The following ATRNL1 variants were observed in gnomAD, a reference collection of about 807,000 sequenced individuals.
The protein encoded by ATRNL1 is attractin like 1.
Under a neutral mutation model 182.7 loss-of-function variants are expected in ATRNL1, and 95 were observed. The observed-to-expected ratio is 0.52, with a 90% confidence interval of 0.44 to 0.62. ATRNL1 has a LOEUF of 0.62. Ranked by LOEUF, ATRNL1 falls within the 20% of genes least tolerant of loss-of-function variation. ATRNL1 has a pLI of 0.00. For missense variants in ATRNL1, 1,471 were observed against 1,679.5 expected (o/e 0.88, Z 2.17); for synonymous variants, 576 against 568.3 (o/e 1.01, Z -0.19).
chr10:115,617,984 C>A (rs916807713), intron 26 of ATRNL1, among the ~76,000 whole-genome samples: 4 of 152,086 alleles, frequency 2.6e-5, no homozygotes, highest in Non-Finnish European at 4.4e-5. Flanking sequence ...TGAGTGAGTT[C>A]TCATGAGATC....
chr10:115,817,877 G>GTTTTTTTTTTTTTT (rs35087740), intron 27 of ATRNL1, among the ~76,000 whole-genome samples: 1 of 133,882 alleles, frequency 7.5e-6, no homozygotes, highest in African/African-American at 2.8e-5. Flanking sequence ...TTTACGTTGT[G>GTTTTTTTTTTTTTT]TTTTTTTTTT....
intron 27 of ATRNL1, among the ~76,000 whole-genome samples, chr10:115,838,201 C>T (rs944425572): frequency 1.3e-5 from 2 of 152,142 alleles, no homozygotes; most frequent in Admixed American, 1.3e-4. Context: ...TATTTCTAGA[C>T]TTTATAGTAA....
intron 9 of ATRNL1, among the ~76,000 whole-genome samples, chr10:115,235,745 A>G (rs1214110890): frequency 6.6e-6 from 1 of 152,108 alleles, no homozygotes; most frequent in Non-Finnish European, 1.5e-5. Context: ...GGTATATTTT[A>G]GTTTTCTCAA....
At chr10:115,389,871 A>C (rs1564990681) in intron 19 of ATRNL1, among the ~76,000 whole-genome samples, 3 of 151,862 alleles carry the variant, frequency 2.0e-5, no homozygotes, top group Admixed American at 6.6e-5. Flanking sequence ...AAATTTCATC[A>C]TTTTGATAAT....
intron 19 of ATRNL1, among the ~76,000 whole-genome samples, chr10:115,340,224 A>G (rs1174284842): frequency 2.0e-5 from 3 of 152,038 alleles, no homozygotes; most frequent in African/African-American, 7.2e-5. Flanking sequence ...GCTCACTGCA[A>G]CCTCCACCTC....
Position 115,093,552 on chromosome 10 carries a change from A to G in ATRNL1, c.-199A>G. 2 of 695,198 alleles carry G rather than the reference A, an allele frequency of 2.9e-6. No homozygotes were observed. The highest frequency in any genetic ancestry group is 2.6e-6 in the Non-Finnish European group (1 of 387,322). 43.1% of individuals were successfully genotyped at this position (695,198 alleles called of 1,614,324 possible). Reference sequence around the variant, plus strand: ...TCGGGAGACTGGGTGGCGATGCCCGAGTGCGACTGGAGGCAGCCGAGCGGA... The same window carrying G: ...TCGGGAGACTGGGTGGCGATGCCCGGGTGCGACTGGAGGCAGCCGAGCGGA... On this transcript the variant is annotated 5_prime_UTR_variant, in exon 1 of 29. Transcript: ENST00000355044. The surrounding 1 kb of genome is among the most constrained non-coding windows in gnomAD (Gnocchi z 6.1).
At chr10:115,624,352 CCT>C in intron 26 of ATRNL1, among the ~76,000 whole-genome samples, 2 of 151,980 alleles carry the variant, frequency 1.3e-5, no homozygotes, top group Non-Finnish European at 2.9e-5. Flanking sequence ...TTATTAAAGT[CCT>C]CTTAAGAATC....
intron 8 of ATRNL1, among the ~76,000 whole-genome samples, chr10:115,181,649 A>G (rs946602133): frequency 5.3e-5 from 8 of 151,814 alleles, no homozygotes; most frequent in South Asian, 2.1e-4. Context: ...TTACTTATCA[A>G]TTATTTCCAA....
intron 27 of ATRNL1, among the ~76,000 whole-genome samples, chr10:115,806,838 G>T (rs781822710): frequency 1.3e-5 from 2 of 151,970 alleles, no homozygotes; most frequent in African/African-American, 2.4e-5. Flanking sequence ...TTCGTATGAG[G>T]ATTAAATTAG....
chr10:115,401,189 A>G (rs751282164), intron 20 of ATRNL1, among the ~76,000 whole-genome samples: 44 of 152,092 alleles, frequency 2.9e-4, no homozygotes, highest in Non-Finnish European at 5.6e-4. Flanking sequence ...ACAGCCTCTT[A>G]TTAGAATGGG....
intron 26 of ATRNL1, among the ~76,000 whole-genome samples, chr10:115,672,510 G>A (rs74158234): frequency 2.6e-5 from 4 of 152,146 alleles, no homozygotes; most frequent in East Asian, 1.9e-4. Context: ...AAAACATTTC[G>A]ACTGGTGCAA....
chr10:115,518,212 A>G (rs1850737438), intron 24 of ATRNL1, among the ~76,000 whole-genome samples: 1 of 151,820 alleles, frequency 6.6e-6, no homozygotes, highest in African/African-American at 2.4e-5. Flanking sequence ...AGGGATCATA[A>G]TCTCTGGCCA....
At chr10:115,810,214 G>A (rs1950016138) in intron 27 of ATRNL1, among the ~76,000 whole-genome samples, 1 of 151,898 alleles carries the variant, frequency 6.6e-6, no homozygotes, top group Non-Finnish European at 1.5e-5. Flanking sequence ...TTTTTACTGA[G>A]ATGTTGATAA....
chr10:115,242,509 T>C (rs1554903195), intron 10 of ATRNL1, among the ~76,000 whole-genome samples: 15 of 151,946 alleles, frequency 9.9e-5, no homozygotes. Context: ...GCACCTTTTA[T>C]TGAGGGTATA....
intron 28 of ATRNL1, among the ~76,000 whole-genome samples, chr10:115,906,408 T>A (rs1589674266): frequency 6.6e-6 from 1 of 152,190 alleles, no homozygotes; most frequent in East Asian, 1.9e-4. Context: ...ACCTCAAAAT[T>A]TGTTTCAGGA....
chr10:115,127,499 C>A, intron 3 of ATRNL1, 94 bp from the exon 4 acceptor site: 1 of 1,042,140 alleles, frequency 9.6e-7, no homozygotes, highest in Non-Finnish European at 1.4e-6. Flanking sequence ...ACAAGCATTA[C>A]TGATCCTGGT....
intron 21 of ATRNL1, among the ~76,000 whole-genome samples, chr10:115,451,539 G>A (rs1847281136): frequency 6.6e-6 from 1 of 152,146 alleles, no homozygotes; most frequent in South Asian, 2.1e-4. Context: ...GTAGAGAAAT[G>A]CAAATCAAAA....
chr10:115,594,120 A>G (rs1856084628), intron 26 of ATRNL1, among the ~76,000 whole-genome samples: 1 of 152,072 alleles, frequency 6.6e-6, no homozygotes, highest in Non-Finnish European at 1.5e-5. Flanking sequence ...TCGTATACCT[A>G]TGAGTGATTT....
At chr10:115,116,014 C>G (rs782804687) in intron 1 of ATRNL1, among the ~76,000 whole-genome samples, 1 of 152,020 alleles carries the variant, frequency 6.6e-6, no homozygotes, top group African/African-American at 2.4e-5. Flanking sequence ...ATGTGGCAGG[C>G]ATCTAGACAA....
Sources: gnomAD v4.1 joint callset for allele counts (sites outside exome capture counted in the v4.1 genomes callset) on GRCh38, gnomAD v4.1.1 for gene constraint, Gnocchi (gnomAD v3.1) non-coding constraint, MANE v1.5 for transcripts, NCBI Gene and HGNC (gene_info 2026-07-23, HGNC 2026-07-21) for gene names.